COLGALT2: variants seen among roughly 807,000 people sequenced by gnomAD.
COLGALT2 encodes procollagen galactosyltransferase 2.
In COLGALT2, 49 loss-of-function variants were observed where a neutral mutation model predicts 73.4. The observed-to-expected ratio is 0.67, with a 90% confidence interval of 0.53 to 0.85. The LOEUF (loss-of-function observed/expected upper bound fraction) is 0.85. Among genes scored for constraint, COLGALT2 ranks in the 40% least tolerant of loss-of-function variants. The pLI is 0.00. For missense variants in COLGALT2, 722 were observed against 790.2 expected, an observed-to-expected ratio of 0.91 and a Z score of 1.03; for synonymous variants, 295 against 307.6, an observed-to-expected ratio of 0.96 and a Z score of 0.43.
chr1:183,963,839 G>T (rs1670788530), intron 6 of COLGALT2, 62 bp downstream of exon 6: 1 of 1,437,350 alleles, frequency 7.0e-7, no homozygotes, highest in South Asian at 1.6e-5. Flanking sequence ...GGAGGGAAGT[G>T]GCTGGTATGG....
intron 1 of COLGALT2, among the ~76,000 whole-genome samples, chr1:184,022,910 T>C (rs555807769): frequency 6.6e-6 from 1 of 152,308 alleles, no homozygotes; most frequent in Admixed American, 6.5e-5. Flanking sequence ...TCAAAACAGC[T>C]GGCACCACAT....
chr1:183,936,192 C>G lies in COLGALT2; in HGVS notation c.*2569G>C, dbSNP rs1055727088. ...ATGCAAAGGCCTCTATACTGACGCC[C>G]TCACATGACACTGCAAAGGTCAAAT... On this transcript the variant is annotated 3_prime_UTR_variant, in exon 12 of 12. Transcript: ENST00000361927. The G allele has an allele frequency of 3.0e-6, 3 of 985,404 alleles. No homozygotes were observed. The highest frequency in any genetic ancestry group is 3.6e-6 in the Non-Finnish European group (3 of 829,998). 61.0% of individuals were successfully genotyped at this position (985,404 alleles called of 1,614,324 possible).
intron 1 of COLGALT2, among the ~76,000 whole-genome samples, chr1:183,990,390 G>C (rs1327138): frequency 0.98 from 149,979 of 152,370 alleles, 73,828 homozygotes; most frequent in East Asian, 1. Flanking sequence ...GGCTATGCAT[G>C]TCCTCTGTGC....
intron 8 of COLGALT2, among the ~76,000 whole-genome samples, chr1:183,948,698 T>A (rs757724258): frequency 6.6e-6 from 1 of 152,188 alleles, no homozygotes. Context: ...CTATTCAACA[T>A]TGTACTTGAT....
At chr1:183,970,154 C>T (rs995881055) in intron 4 of COLGALT2, among the ~76,000 whole-genome samples, 3 of 152,222 alleles carry the variant, frequency 2.0e-5, no homozygotes, top group African/African-American at 7.2e-5. Context: ...GGTGAAGCTG[C>T]AGCTGCTCCA....
intron 5 of COLGALT2, among the ~76,000 whole-genome samples, chr1:183,966,366 T>G (rs1196029053): frequency 1.3e-5 from 2 of 152,242 alleles, no homozygotes; most frequent in Non-Finnish European, 2.9e-5. Context: ...AACATTTTCT[T>G]GTACTCATAT....
At chr1:184,001,583 G>A (rs1387938770) in intron 1 of COLGALT2, among the ~76,000 whole-genome samples, 1 of 151,842 alleles carries the variant, frequency 6.6e-6, no homozygotes, top group Non-Finnish European at 1.5e-5. Context: ...TTTCCAGTTT[G>A]TTACTTTGTT....
In COLGALT2 at chr1:183,953,551, C is replaced by T. The variant is rs149115029; in HGVS notation, c.1029+1211G>A. ...ACTTGGGTCCTTTCACCTAGGGAAC[C>T]GAGAGAGAGCTGTAGGGAAGGAAAG... On this transcript the variant is annotated intron_variant, in intron 7 of 11. Coordinates refer to ENST00000361927, the MANE Select transcript of COLGALT2 (RefSeq NM_015101.4). 3.3e-5 allele frequency among the ~76,000 whole-genome samples: 5 copies of T among 152,210 alleles called. 1 individual carries two copies. In the East Asian group the frequency reaches 5.8e-4, roughly 18 times the overall value.
chr1:184,005,756 C>T (rs571438148), intron 1 of COLGALT2, among the ~76,000 whole-genome samples: 3 of 152,220 alleles, frequency 2.0e-5, no homozygotes, highest in African/African-American at 4.8e-5. Flanking sequence ...AGCCCTGGTG[C>T]GAATCATGAG....
rs542752699 is a variant in COLGALT2, at chr1:183,961,860, G to C, written c.952+2041C>G. Among the ~76,000 whole-genome samples the C allele has an allele frequency of 2.6e-3, 394 of 152,292 alleles. 3 individuals are homozygous for C. Among genetic ancestry groups the C allele is most frequent in the African/African-American group, 9.0e-3 (374 of 41,564 alleles). ...GAACATAGGGAAAGTGGCAGAAAAAGTATGTATTAAAGAAATTCGCAAAGG... is the reference window on the plus strand; with the variant it reads ...GAACATAGGGAAAGTGGCAGAAAAACTATGTATTAAAGAAATTCGCAAAGG... On this transcript the variant is annotated intron_variant, in intron 6 of 11. Transcript: ENST00000361927.
At chr1:183,978,595 C>A (rs985451768) in intron 1 of COLGALT2, 75 bp from the exon 2 acceptor site, 5 of 840,640 alleles carry the variant, frequency 5.9e-6, no homozygotes, top group South Asian at 5.5e-5. Flanking sequence ...AGACCCCTGA[C>A]TAACTGAAAG....
Position 183,956,781 on chromosome 1 carries a change from C to G in COLGALT2, c.953-1943G>C, listed in dbSNP as rs568431805. Among the ~76,000 whole-genome samples the G allele has an allele frequency of 2.0e-5, 3 of 152,236 alleles. No homozygotes were observed. In the South Asian group the frequency reaches 6.2e-4, roughly 32 times the overall value. On this transcript the variant is annotated intron_variant, in intron 6 of 11. Transcript: ENST00000361927. ...AGTGGTTGGCTCCCGAAAGTCATCA[C>G]TGAGCAAAAATATCAGAGAAGTGTG...
chr1:183,977,760 A>C (rs1671239062), intron 2 of COLGALT2, among the ~76,000 whole-genome samples: 1 of 151,450 alleles, frequency 6.6e-6, no homozygotes, highest in East Asian at 1.9e-4. Flanking sequence ...ACTGTACTCC[A>C]GCTGGGGTGA....
chr1:183,968,314 G>A (rs914507286), intron 5 of COLGALT2, among the ~76,000 whole-genome samples: 1 of 152,184 alleles, frequency 6.6e-6, no homozygotes, highest in Non-Finnish European at 1.5e-5. Flanking sequence ...TCTTGCTGTT[G>A]AACTGCTCTT....
intron 1 of COLGALT2, among the ~76,000 whole-genome samples, chr1:183,990,939 G>T (rs1558328159): frequency 6.6e-6 from 1 of 152,228 alleles, no homozygotes; most frequent in African/African-American, 2.4e-5. Flanking sequence ...CTGAAATTAT[G>T]TGTTTTTCCA....
At chr1:183,948,799 A>G (rs1295436464) in intron 8 of COLGALT2, among the ~76,000 whole-genome samples, 1 of 152,300 alleles carries the variant, frequency 6.6e-6, no homozygotes, top group African/African-American at 2.4e-5. Context: ...TGCATGTGAC[A>G]TGGTCTTGTA....
chr1:184,035,330 C>T (rs183238102), intron 1 of COLGALT2, among the ~76,000 whole-genome samples: 1 of 152,286 alleles, frequency 6.6e-6, no homozygotes, highest in Non-Finnish European at 1.5e-5. Flanking sequence ...CAACCAGCCC[C>T]AAATCACATA....
chr1:184,007,110 G>A (rs1474217375), intron 1 of COLGALT2, among the ~76,000 whole-genome samples: 5 of 152,206 alleles, frequency 3.3e-5, no homozygotes, highest in Non-Finnish European at 7.3e-5. Flanking sequence ...TGCAGTATGG[G>A]TGTCAGTGGC....
chr1:183,975,355 T>C, intron 2 of COLGALT2, 141 bp from the exon 3 acceptor site: 1 of 574,450 alleles, frequency 1.7e-6, no homozygotes. Flanking sequence ...ATCCCCATAT[T>C]ACAGATGAGG....
Sources: gnomAD v4.1 joint callset for allele counts (sites outside exome capture counted in the v4.1 genomes callset) on GRCh38, gnomAD v4.1.1 for gene constraint, MANE v1.5 for transcripts, NCBI Gene and HGNC (gene_info 2026-07-23, HGNC 2026-07-21) for gene names.